The following MAP2 variants were observed in gnomAD, a reference collection of about 807,000 sequenced individuals.
MAP2 encodes the protein microtubule-associated protein 2.
Under a neutral mutation model 137.6 loss-of-function variants are expected in MAP2, and 14 were observed. That is an observed-to-expected ratio of 0.10 (90% CI 0.07 to 0.16). The LOEUF (loss-of-function observed/expected upper bound fraction) is 0.16. Ranked by LOEUF, MAP2 falls within the 10% of genes least tolerant of loss-of-function variation. The pLI is 1.00. For missense variants in MAP2, 2,088 were observed against 2,191.5 expected (o/e 0.95, Z 0.94); for synonymous variants, 786 against 782.3 (o/e 1.00, Z -0.08).
intron 3 of MAP2, among the ~76,000 whole-genome samples, chr2:209,600,104 T>C (rs531004109): frequency 2.0e-5 from 3 of 152,156 alleles, no homozygotes; most frequent in Non-Finnish European, 2.9e-5. Flanking sequence ...AAAAGGAGCA[T>C]TGAAGGGACT....
intron 7 of MAP2, among the ~76,000 whole-genome samples, chr2:209,682,767 C>T (rs116204440): frequency 2.6e-5 from 4 of 151,948 alleles, no homozygotes; most frequent in African/African-American, 9.7e-5. Flanking sequence ...GAAGGGGGTC[C>T]GTGGCTGATG....
At chr2:209,590,433 T>C (rs1333236486) in intron 3 of MAP2, among the ~76,000 whole-genome samples, 1 of 152,142 alleles carries the variant, frequency 6.6e-6, no homozygotes, top group Non-Finnish European at 1.5e-5. Flanking sequence ...CCTCCCGGAT[T>C]CAAGTGATTC....
intron 3 of MAP2, among the ~76,000 whole-genome samples, chr2:209,624,684 G>A (rs2091954730): frequency 6.6e-6 from 1 of 152,120 alleles, no homozygotes; most frequent in Non-Finnish European, 1.5e-5. Flanking sequence ...TATAATTAAT[G>A]ATTTACTAGA....
chr2:209,653,083 A>G, intron 4 of MAP2, 59 bp from the exon 5 acceptor site: 1 of 1,369,702 alleles, frequency 7.3e-7, no homozygotes, highest in Non-Finnish European at 9.7e-7. Flanking sequence ...ATCTTGGTAC[A>G]ACCAATATCA....
At chr2:209,453,805 T>C (rs1464388265) in intron 1 of MAP2, among the ~76,000 whole-genome samples, 1 of 152,008 alleles carries the variant, frequency 6.6e-6, no homozygotes, top group Non-Finnish European at 1.5e-5. Context: ...AATGTGGACA[T>C]GATTAGGGTA....
chr2:209,610,431 T>C (rs2086421034), intron 3 of MAP2, among the ~76,000 whole-genome samples: 1 of 151,832 alleles, frequency 6.6e-6, no homozygotes, highest in Non-Finnish European at 1.5e-5. Context: ...AAAAAGAAAA[T>C]GTGTATTGTT....
At chr2:209,578,264 T>A (rs771886051) in intron 2 of MAP2, among the ~76,000 whole-genome samples, 1 of 152,130 alleles carries the variant, frequency 6.6e-6, no homozygotes, top group African/African-American at 2.4e-5. Flanking sequence ...GGTAGCAGAA[T>A]TGATCTCATA....
chr2:209,565,253 T>C (rs2073131387), intron 2 of MAP2, among the ~76,000 whole-genome samples: 1 of 152,200 alleles, frequency 6.6e-6, no homozygotes. Flanking sequence ...GAACTTGCTC[T>C]ATCTCCCAGG....
At position 209,694,767 on chromosome 2, in the gene MAP2, A is replaced by T. The variant is rs757146059; in HGVS notation, c.2597A>T (p.Asp866Val). ...GTAAAAACGGACAGTCAGCTCGAAG[A>T]CCTGGGCTACTGTGTGTTCAATAAG... ...VIVKTDSQLE[D>V]LGYCVFNKYT... is the part of the protein sequence containing the mutation. Residue 866 changes from aspartate to valine, a missense_variant, in exon 8 of 16, where the codon GAC becomes GTC. By Grantham distance (152) the Asp-to-Val change is radical. Coordinates refer to ENST00000682079, the MANE Select transcript of MAP2 (RefSeq NM_001375505.1). 1.2e-6 allele frequency: 2 copies of T among 1,614,012 alleles called. No individual in the cohort carries two copies. The highest frequency in any genetic ancestry group is 1.7e-6 in the Non-Finnish European group (2 of 1,180,026).
At chr2:209,646,137 C>T (rs2153590716) in intron 4 of MAP2, among the ~76,000 whole-genome samples, 1 of 152,198 alleles carries the variant, frequency 6.6e-6, no homozygotes, top group South Asian at 2.1e-4. Flanking sequence ...GTTGAGGCTG[C>T]AGTGAGTGTG....
chr2:209,589,552 C>T (rs1038738684), intron 3 of MAP2, among the ~76,000 whole-genome samples: 1 of 152,206 alleles, frequency 6.6e-6, no homozygotes. Flanking sequence ...GACTCCTGCC[C>T]TTCCAAGTCT....
intron 13 of MAP2, among the ~76,000 whole-genome samples, chr2:209,715,503 G>A (rs1584408290): frequency 6.6e-6 from 1 of 151,774 alleles, no homozygotes; most frequent in Admixed American, 6.6e-5. Flanking sequence ...TAGGAGGAAA[G>A]GTGAGCAAAA....
At chr2:209,628,581 G>A (rs2092659920) in intron 4 of MAP2, among the ~76,000 whole-genome samples, 1 of 152,028 alleles carries the variant, frequency 6.6e-6, no homozygotes, top group African/African-American at 2.4e-5. Context: ...ACAGTCTATT[G>A]TTCACATGGA....
At chr2:209,517,467 G>A (rs1017932346) in intron 2 of MAP2, among the ~76,000 whole-genome samples, 1 of 152,066 alleles carries the variant, frequency 6.6e-6, no homozygotes, top group Non-Finnish European at 1.5e-5. Flanking sequence ...TGTTTGAAAC[G>A]TGATGTGATT....
intron 1 of MAP2, among the ~76,000 whole-genome samples, chr2:209,451,041 G>A (rs1288079099): frequency 6.6e-6 from 1 of 152,018 alleles, no homozygotes; most frequent in Non-Finnish European, 1.5e-5. Flanking sequence ...GGTATGTAAA[G>A]ACAATATCTG....
intron 3 of MAP2, among the ~76,000 whole-genome samples, chr2:209,593,755 ATAT>A (rs1559372012): frequency 7.3e-4 from 9 of 12,250 alleles, no homozygotes; most frequent in Admixed American, 1.7e-3. Context: ...ATTATATTAT[ATAT>A]AATATATAAT....
In MAP2 at chr2:209,693,990, A is replaced by G. The variant is rs1305238803; in HGVS notation, c.1820A>G (p.Asp607Gly). The G allele has an allele frequency of 1.2e-6, 2 of 1,614,064 alleles. No homozygotes were observed. Among genetic ancestry groups the G allele is most frequent in the South Asian group, 2.2e-5 (2 of 91,070 alleles). ...DTRESVHESI[D>G]TMSPMHKNGD... is the part of the protein sequence containing the mutation. ...AGAGAAAGTGTCCATGAGTCTATTG[A>G]TACCATGTCTCCCATGCATAAAAAT... is the stretch of plus-strand genomic sequence containing the variant. Residue 607 changes from aspartate to glycine, a missense_variant, in exon 8 of 16, where the codon GAT becomes GGT. Physicochemically the swap from Asp to Gly is moderately conservative, Grantham distance 94. Transcript: ENST00000682079.
At chr2:209,510,742 C>T (rs2061628731) in intron 2 of MAP2, among the ~76,000 whole-genome samples, 2 of 152,144 alleles carry the variant, frequency 1.3e-5, no homozygotes, top group South Asian at 4.1e-4. Flanking sequence ...AACAGCATAA[C>T]TTGTTTTTAG....
chr2:209,546,004 G>T (rs570221474), intron 2 of MAP2, among the ~76,000 whole-genome samples: 1 of 152,118 alleles, frequency 6.6e-6, no homozygotes, highest in Admixed American at 6.5e-5. Context: ...TTAGCCAGGC[G>T]TGGTGGCAGG....
Sources: gnomAD v4.1 joint callset for allele counts (sites outside exome capture counted in the v4.1 genomes callset) on GRCh38, gnomAD v4.1.1 for gene constraint, MANE v1.5 for transcripts, NCBI Gene and HGNC (gene_info 2026-07-23, HGNC 2026-07-21) for gene names.